Variants in NAV3 observed in about 807,000 individuals in gnomAD.
NAV3 encodes neuron navigator 3, also known as pore membrane and/or filament interacting like protein 1.
Under a neutral mutation model 244.7 loss-of-function variants are expected in NAV3, and 87 were observed. The ratio of observed to expected loss-of-function variants is 0.36; its 90% CI spans 0.30 to 0.42. NAV3 has a LOEUF of 0.42. Ranked by LOEUF, NAV3 falls within the 20% of genes least tolerant of loss-of-function variation. The probability of loss-of-function intolerance (pLI) is 1.00; values close to 1 mark genes in which losing one functional copy is unlikely to be tolerated. For missense variants in NAV3, 2,663 were observed against 2,893.3 expected, an observed-to-expected ratio of 0.92 and a Z score of 1.83; for synonymous variants, 1,126 against 1,042.2, an observed-to-expected ratio of 1.08 and a Z score of -1.55.
intron 2 of NAV3, among the ~76,000 whole-genome samples, chr12:77,710,179 A>G (rs1291087771): frequency 6.6e-6 from 1 of 152,218 alleles, no homozygotes; most frequent in South Asian, 2.1e-4. Flanking sequence ...TCCAAACATA[A>G]CAAACTTCAA....
intron 8 of NAV3, among the ~76,000 whole-genome samples, chr12:78,019,445 A>C (rs1876782553): frequency 6.6e-6 from 1 of 152,184 alleles, no homozygotes; most frequent in African/African-American, 2.4e-5. Flanking sequence ...CTGGGAGTTA[A>C]ACATTAATCA....
At chr12:77,646,439 A>C (rs775517151) in intron 2 of NAV3, among the ~76,000 whole-genome samples, 4 of 151,958 alleles carry the variant, frequency 2.6e-5, no homozygotes, top group African/African-American at 9.7e-5. Context: ...TCCTGTCCTG[A>C]AGCAGAGGTG....
intron 19 of NAV3, 86 bp from the exon 20 acceptor site, chr12:78,140,196 A>G: frequency 9.3e-7 from 1 of 1,072,716 alleles, no homozygotes; most frequent in South Asian, 1.3e-5. Context: ...TTCCCTAACC[A>G]CCCGTTCTTT....
intron 5 of NAV3, among the ~76,000 whole-genome samples, chr12:77,977,340 T>G (rs993281387): frequency 6.6e-6 from 1 of 152,130 alleles, no homozygotes; most frequent in Non-Finnish European, 1.5e-5. Flanking sequence ...TATAGGCAGG[T>G]CTTTCTAGGA....
chr12:77,943,756 T>G (rs1452638740), intron 3 of NAV3, among the ~76,000 whole-genome samples: 1 of 152,220 alleles, frequency 6.6e-6, no homozygotes, highest in Non-Finnish European at 1.5e-5. Flanking sequence ...CCTCTTTTTG[T>G]ATACCTGGTC....
chr12:77,780,525 C>T (rs1220525657), intron 2 of NAV3, among the ~76,000 whole-genome samples: 1 of 152,088 alleles, frequency 6.6e-6, no homozygotes, highest in African/African-American at 2.4e-5. Flanking sequence ...AAACAAAAGG[C>T]AGGAGAGGTT....
chr12:77,744,920 A>G (rs1395107184), intron 2 of NAV3, among the ~76,000 whole-genome samples: 2 of 152,014 alleles, frequency 1.3e-5, no homozygotes, highest in Non-Finnish European at 2.9e-5. Context: ...TAAACTTAAA[A>G]GAGTACAGTG....
intron 3 of NAV3, among the ~76,000 whole-genome samples, chr12:77,952,522 A>G (rs1383047964): frequency 1.3e-5 from 2 of 152,110 alleles, no homozygotes; most frequent in African/African-American, 4.8e-5. Context: ...TACTTCATGT[A>G]GGTCATAAAG....
intron 2 of NAV3, among the ~76,000 whole-genome samples, chr12:77,817,329 A>G (rs1872563695): frequency 6.6e-6 from 1 of 152,198 alleles, no homozygotes; most frequent in Non-Finnish European, 1.5e-5. Flanking sequence ...TTATACTTCT[A>G]TTGAATATTC....
At chr12:77,681,071 C>T (rs903709811) in intron 2 of NAV3, among the ~76,000 whole-genome samples, 5 of 152,092 alleles carry the variant, frequency 3.3e-5, no homozygotes, top group African/African-American at 1.2e-4. Context: ...TTAAATTTGC[C>T]TAGTATTTTT....
rs113537577 is a variant in NAV3, at chr12:78,030,003, T to A, written c.2023+8141T>A. Among the ~76,000 whole-genome samples, 1,238 of 152,212 alleles carry A rather than the reference T, an allele frequency of 8.1e-3. 26 individuals carry two copies. Among genetic ancestry groups the A allele is most frequent in the African/African-American group, 0.028 (1,164 of 41,530 alleles). On this transcript the variant is annotated intron_variant, in intron 9 of 39. Transcript: ENST00000397909. Reference sequence around the variant, plus strand: ...CATAAACTTTGTTTCATGCAAAAAATTTTTAAAAATGTATAGAATTACCTT... The same window carrying A: ...CATAAACTTTGTTTCATGCAAAAAAATTTTAAAAATGTATAGAATTACCTT...
intron 2 of NAV3, among the ~76,000 whole-genome samples, chr12:77,777,317 G>T (rs1870414001): frequency 6.6e-6 from 1 of 152,142 alleles, no homozygotes; most frequent in South Asian, 2.1e-4. Context: ...ATCATTCTCT[G>T]TCAAAATATC....
intron 8 of NAV3, among the ~76,000 whole-genome samples, chr12:78,009,087 GC>G (rs1205487865): frequency 1.3e-5 from 2 of 152,094 alleles, no homozygotes; most frequent in Non-Finnish European, 2.9e-5. Context: ...GTAGCAACAA[GC>G]TTTTAAAAAA....
At chr12:77,942,884 C>A (rs1200910047) in intron 3 of NAV3, among the ~76,000 whole-genome samples, 1 of 152,152 alleles carries the variant, frequency 6.6e-6, no homozygotes, top group African/African-American at 2.4e-5. Context: ...TCAACAGTCC[C>A]CTGAAACCAT....
intron 2 of NAV3, among the ~76,000 whole-genome samples, chr12:77,819,851 C>T (rs887726202): frequency 1.3e-5 from 2 of 152,056 alleles, no homozygotes; most frequent in African/African-American, 4.8e-5. Flanking sequence ...TATTTTAGGG[C>T]AACATATGTG....
At chr12:77,802,460 T>C (rs1199322102) in intron 2 of NAV3, among the ~76,000 whole-genome samples, 2 of 152,224 alleles carry the variant, frequency 1.3e-5, no homozygotes, top group East Asian at 3.8e-4. Flanking sequence ...CAAGGTCATC[T>C]GTGACTTTTA....
intron 16 of NAV3, among the ~76,000 whole-genome samples, chr12:78,124,601 G>A (rs866407803): frequency 7.2e-5 from 11 of 152,098 alleles, no homozygotes; most frequent in Middle Eastern, 3.4e-3. Flanking sequence ...TTATAGGAGC[G>A]GACCACCATG....
chr12:78,200,082 A>G (rs1959481470), intron 37 of NAV3, among the ~76,000 whole-genome samples: 1 of 152,078 alleles, frequency 6.6e-6, no homozygotes, highest in Non-Finnish European at 1.5e-5. Context: ...CTGTCAACAC[A>G]GTTTAGATTA....
Position 78,119,858 on chromosome 12 carries a change from G to A in NAV3, c.3662G>A (p.Ser1221Asn), listed in dbSNP as rs1593666258. Residue 1221 changes from serine (S) to asparagine (N), a missense_variant, in exon 15 of 40, where the codon AGC becomes AAC. Ser to Asn is a conservative substitution (Grantham distance 46). Transcript: ENST00000397909. ...SVSLSGSPKS[S>N]PTSASACGAQ... ...TCTTTGTCAGGTTCCCCCAAATCCAGCCCCACCTCTGCCAGCGCCTGTGGT... is the reference window on the plus strand; with the variant it reads ...TCTTTGTCAGGTTCCCCCAAATCCAACCCCACCTCTGCCAGCGCCTGTGGT... 1 of 1,613,986 alleles carries A rather than the reference G, an allele frequency of 6.2e-7. No homozygotes were observed. Among genetic ancestry groups the A allele is most frequent in the Non-Finnish European group, 8.5e-7 (1 of 1,180,016 alleles).
Sources: gnomAD v4.1 joint callset for allele counts (sites outside exome capture counted in the v4.1 genomes callset) on GRCh38, gnomAD v4.1.1 for gene constraint, MANE v1.5 for transcripts, NCBI Gene and HGNC (gene_info 2026-07-23, HGNC 2026-07-21) for gene names.